DCC: variants seen among roughly 807,000 people sequenced by gnomAD.
DCC encodes netrin receptor DCC.
Under a neutral mutation model 172.5 loss-of-function variants are expected in DCC, and 58 were observed. The ratio of observed to expected loss-of-function variants is 0.34; its 90% CI spans 0.27 to 0.42. The LOEUF (loss-of-function observed/expected upper bound fraction) is 0.42, where lower values mean the gene tolerates loss of function less well. DCC is among the 10% of genes least tolerant of loss of function. The probability of loss-of-function intolerance (pLI) is 1.00; values close to 1 mark genes in which losing one functional copy is unlikely to be tolerated. For synonymous variants in DCC, 709 were observed against 644.5 expected (o/e 1.10, Z -1.52); for missense variants, 1,740 against 1,791.0 (o/e 0.97, Z 0.51).
At chr18:52,494,894 A>G (rs1335961503) in intron 1 of DCC, among the ~76,000 whole-genome samples, 1 of 152,032 alleles carries the variant, frequency 6.6e-6, no homozygotes, top group Non-Finnish European at 1.5e-5. Context: ...GAATTTATTT[A>G]CTATGTATAA....
intron 27 of DCC, among the ~76,000 whole-genome samples, chr18:53,517,987 C>T (rs1230730839): frequency 2.6e-5 from 4 of 152,124 alleles, no homozygotes; most frequent in Non-Finnish European, 4.4e-5. Flanking sequence ...GTTTCCCATA[C>T]ATATCTTTTA....
chr18:52,788,494 T>A (rs2037701452), intron 2 of DCC, among the ~76,000 whole-genome samples: 1 of 152,172 alleles, frequency 6.6e-6, no homozygotes, highest in South Asian at 2.1e-4. Flanking sequence ...AAGACCACCT[T>A]TTTGCATTTT....
At chr18:53,130,696 G>A (rs1050227007) in intron 7 of DCC, among the ~76,000 whole-genome samples, 1 of 152,038 alleles carries the variant, frequency 6.6e-6, no homozygotes, top group Non-Finnish European at 1.5e-5. Context: ...GCTGTCCTGG[G>A]ATCTGTAGGG....
At chr18:53,467,534 G>C (rs1165403518) in intron 24 of DCC, among the ~76,000 whole-genome samples, 1 of 152,090 alleles carries the variant, frequency 6.6e-6, no homozygotes, top group Non-Finnish European at 1.5e-5. Flanking sequence ...ACTGAGTTAT[G>C]TATTAACAGA....
chr18:53,317,341 T>C (rs1179543227), intron 13 of DCC, among the ~76,000 whole-genome samples: 1 of 152,256 alleles, frequency 6.6e-6, no homozygotes, highest in Non-Finnish European at 1.5e-5. Flanking sequence ...AACTTGATTA[T>C]GGTGAATAAG....
intron 2 of DCC, among the ~76,000 whole-genome samples, chr18:52,779,441 G>C (rs1208585756): frequency 1.4e-5 from 2 of 145,408 alleles, no homozygotes; most frequent in Non-Finnish European, 3.0e-5. Context: ...TGCTGAGAAT[G>C]ATAGTTTCCA....
chr18:53,313,319 C>T lies in DCC; in HGVS notation c.2053+7600C>T, dbSNP rs535002233. ...TGAGTGCAGCGGCACGATCTCGTCT[C>T]ACTGCAACCTCCGCGTCTCGGGTAC... On this transcript the variant is annotated intron_variant, in intron 13 of 28. Transcript: ENST00000442544. Among the ~76,000 whole-genome samples, 3 of 152,236 alleles carry T rather than the reference C, an allele frequency of 2.0e-5. No individual in the cohort carries two copies. In the East Asian group the frequency reaches 5.8e-4, roughly 30 times the overall value.
At chr18:53,225,923 A>G (rs2056021170) in intron 12 of DCC, among the ~76,000 whole-genome samples, 1 of 152,154 alleles carries the variant, frequency 6.6e-6, no homozygotes. Flanking sequence ...AGGAGTGATT[A>G]AAAAGAAAAC....
At chr18:52,925,501 A>G in intron 5 of DCC, 131 bp downstream of exon 5, 2 of 901,922 alleles carry the variant, frequency 2.2e-6, no homozygotes, top group Non-Finnish European at 3.7e-6. Flanking sequence ...TACTCCACAC[A>G]TGTCCTTGCT....
chr18:52,959,236 G>T (rs987193723), intron 5 of DCC, among the ~76,000 whole-genome samples: 3 of 152,148 alleles, frequency 2.0e-5, no homozygotes, highest in Non-Finnish European at 4.4e-5. Flanking sequence ...AGTTCAGTTG[G>T]CTGGATTTGC....
At chr18:52,955,935 A>G (rs1028167584) in intron 5 of DCC, among the ~76,000 whole-genome samples, 5 of 151,806 alleles carry the variant, frequency 3.3e-5, no homozygotes, top group African/African-American at 1.2e-4. Flanking sequence ...GAGTTTTTAA[A>G]AGCTTTTTGC....
chr18:52,988,331 T>C (rs945485140), intron 5 of DCC, among the ~76,000 whole-genome samples: 2 of 152,172 alleles, frequency 1.3e-5, no homozygotes, highest in African/African-American at 2.4e-5. Context: ...ACAAAGTCCA[T>C]GTACTGCAGA....
At chr18:53,265,293 G>A (rs2056660194) in intron 12 of DCC, among the ~76,000 whole-genome samples, 1 of 152,124 alleles carries the variant, frequency 6.6e-6, no homozygotes, top group Non-Finnish European at 1.5e-5. Flanking sequence ...TACTAATAGA[G>A]GTGACAGCCT....
intron 19 of DCC, among the ~76,000 whole-genome samples, chr18:53,406,413 A>G (rs1399998282): frequency 6.6e-6 from 1 of 151,282 alleles, no homozygotes; most frequent in African/African-American, 2.4e-5. Context: ...TTAAAAAAAA[A>G]AGAGAAAGAG....
intron 1 of DCC, among the ~76,000 whole-genome samples, chr18:52,612,338 T>C (rs1304298324): frequency 6.6e-6 from 1 of 152,080 alleles, no homozygotes; most frequent in Non-Finnish European, 1.5e-5. Flanking sequence ...AATCACAAGG[T>C]TCCCATCAGT....
intron 5 of DCC, among the ~76,000 whole-genome samples, chr18:53,053,781 T>C (rs2042366020): frequency 1.3e-5 from 2 of 152,160 alleles, no homozygotes; most frequent in Non-Finnish European, 2.9e-5. Context: ...TATTTATTAT[T>C]TGTGGCATCA....
At chr18:53,490,163 C>T (rs2045945005) in intron 26 of DCC, among the ~76,000 whole-genome samples, 2 of 152,212 alleles carry the variant, frequency 1.3e-5, no homozygotes, top group South Asian at 4.1e-4. Context: ...ATAAATGAAA[C>T]TTGACCTAGA....
intron 1 of DCC, among the ~76,000 whole-genome samples, chr18:52,606,721 C>G (rs2034138759): frequency 6.6e-6 from 1 of 152,150 alleles, no homozygotes; most frequent in South Asian, 2.1e-4. Context: ...TAGTTTGTTT[C>G]TTTATATCAG....
chr18:52,805,134 T>C (rs542177127), intron 2 of DCC, among the ~76,000 whole-genome samples: 1 of 152,200 alleles, frequency 6.6e-6, no homozygotes, highest in African/African-American at 2.4e-5. Flanking sequence ...TACATGAAAA[T>C]GCATACAAAT....
Sources: allele counts gnomAD v4.1 joint callset (sites outside exome capture counted in the v4.1 genomes callset), GRCh38; gene constraint gnomAD v4.1.1; transcripts MANE v1.5; gene names NCBI Gene and HGNC (gene_info 2026-07-23, HGNC 2026-07-21).